POU2F2: variants seen among roughly 807,000 people sequenced by gnomAD.
The protein encoded by POU2F2 is POU domain, class 2, transcription factor 2.
POU2F2 carries 14 observed loss-of-function variants against 63.5 expected under a neutral mutation model. The ratio of observed to expected loss-of-function variants is 0.22; its 90% CI spans 0.15 to 0.34. The LOEUF (loss-of-function observed/expected upper bound fraction) is 0.34, where lower values mean the gene tolerates loss of function less well. Among genes scored for constraint, POU2F2 ranks in the 10% least tolerant of loss-of-function variants. The pLI is 1.00. For synonymous variants in POU2F2, 306 were observed against 348.6 expected, an observed-to-expected ratio of 0.88 and a Z score of 1.36; for missense variants, 607 against 815.2, an observed-to-expected ratio of 0.74 and a Z score of 3.11.
At chr19:42,104,181 T>C (rs927564677) in intron 5 of POU2F2, among the ~76,000 whole-genome samples, 1 of 152,174 alleles carries the variant, frequency 6.6e-6, no homozygotes, top group African/African-American at 2.4e-5. Flanking sequence ...ATATCATTTT[T>C]ACCTCTCAGA....
rs547796459 is a variant in POU2F2, at chr19:42,091,767, G to A, written c.1540+100C>T. 8.4e-5 allele frequency: 130 copies of A among 1,548,394 alleles called. 2 individuals are homozygous for A. Among genetic ancestry groups the A allele is most frequent in the Admixed American group, 4.7e-4 (24 of 51,002 alleles). On this transcript the variant is annotated intron_variant, in intron 14 of 14. Transcript: ENST00000692977. Reference sequence around the variant, plus strand: ...GGTATGAAGAGGCAAGCAATGCAGTGAGCAGGGGCAGGATGGCATGGCTGG... The same window carrying A: ...GGTATGAAGAGGCAAGCAATGCAGTAAGCAGGGGCAGGATGGCATGGCTGG...
chr19:42,186,546 T>C (rs1376886682), intron 1 of POU2F2, among the ~76,000 whole-genome samples: 1 of 151,518 alleles, frequency 6.6e-6, no homozygotes, highest in Non-Finnish European at 1.5e-5. Context: ...TATCTTTTGA[T>C]CTAGGAGGCC....
upstream of POU2F2, among the ~76,000 whole-genome samples, chr19:42,135,218 C>T (rs979966513): frequency 6.6e-6 from 1 of 152,116 alleles, no homozygotes; most frequent in African/African-American, 2.4e-5. Flanking sequence ...TCCTCAGACC[C>T]CTAGCTTGGC....
intron 2 of POU2F2, among the ~76,000 whole-genome samples, chr19:42,149,481 G>C (rs922966369): frequency 6.6e-6 from 1 of 152,142 alleles, no homozygotes; most frequent in Non-Finnish European, 1.5e-5. Flanking sequence ...AGAGTGAAAA[G>C]CATACAGCAG....
At chr19:42,116,902 T>A in intron 5 of POU2F2, 1 of 495,330 alleles carries the variant, frequency 2.0e-6, no homozygotes, top group Non-Finnish European at 3.9e-6. Flanking sequence ...GGCAGCGGCG[T>A]TAGCGGCAGC....
At chr19:42,168,568 C>T (rs1215800575) in intron 1 of POU2F2, among the ~76,000 whole-genome samples, 3 of 152,174 alleles carry the variant, frequency 2.0e-5, no homozygotes, top group Non-Finnish European at 4.4e-5. Flanking sequence ...GGTGAATCTT[C>T]CTGGGCTCCC....
chr19:42,087,368 G>A lies in POU2F2; in HGVS notation c.*3889C>T, dbSNP rs889670852. The A allele has an allele frequency of 6.6e-6, 1 of 151,980 alleles. No individual in the cohort carries two copies. 9.4% of individuals were successfully genotyped at this position (151,980 alleles called of 1,614,324 possible). On this transcript the variant is annotated 3_prime_UTR_variant, in exon 15 of 15. Transcript: ENST00000692977. ...TTAGAAAAACTAGTCAGGTCAAGAG[G>A]TCACCCTGACTTGGCTAGTCCCTCG...
At position 42,086,114 on chromosome 19, in the gene POU2F2, TTC is replaced by T. The variant is rs1291529155; in HGVS notation, c.*5141_*5142del. On this transcript the variant is annotated 3_prime_UTR_variant, in exon 15 of 15. Transcript: ENST00000692977. ...GAGACCAAGGGAGAGTAGGCATCAT[TTC>T]TCTCTGTACAGTTTTTAATTTTTTA... is the stretch of plus-strand genomic sequence containing the variant. The T allele has an allele frequency of 2.6e-5, 4 of 152,140 alleles. No homozygotes were observed. 9.4% of individuals were successfully genotyped at this position (152,140 alleles called of 1,614,324 possible).
chr19:42,192,750 A>G (rs1176040014), intron 1 of POU2F2, among the ~76,000 whole-genome samples: 1 of 152,196 alleles, frequency 6.6e-6, no homozygotes, highest in Non-Finnish European at 1.5e-5. Flanking sequence ...GAAGAAGAAA[A>G]GTAAACCACA....
intron 2 of POU2F2, among the ~76,000 whole-genome samples, chr19:42,149,914 C>G (rs1476451043): frequency 6.6e-6 from 1 of 152,290 alleles, no homozygotes; most frequent in Middle Eastern, 3.4e-3. Context: ...TTTTCCTGCA[C>G]CCAGCTGCCT....
chr19:42,130,722 C>G (rs1009373212), intron 1 of POU2F2, among the ~76,000 whole-genome samples: 1 of 151,358 alleles, frequency 6.6e-6, no homozygotes, highest in Non-Finnish European at 1.5e-5. Context: ...CTCTCCTCAC[C>G]GCCTTTGCTT....
At chr19:42,195,951 T>C (rs2146833527) in intron 1 of POU2F2, among the ~76,000 whole-genome samples, 1 of 152,278 alleles carries the variant, frequency 6.6e-6, no homozygotes. Context: ...GGCTAATTTT[T>C]ATATTTTTAG....
At chr19:42,129,605 C>T (rs1353400804) in intron 1 of POU2F2, among the ~76,000 whole-genome samples, 1 of 152,184 alleles carries the variant, frequency 6.6e-6, no homozygotes, top group African/African-American at 2.4e-5. Context: ...CTTGTCCTGT[C>T]CCCTGGGTCC....
chr19:42,086,834 A>AG lies in POU2F2; in HGVS notation c.*4422dup, dbSNP rs1417900691. ...GAGGAAGGGGAGGGAGGCAGAAGGG[A>AG]GGGGTCACAGACATAGTAAATAGTT... On this transcript the variant is annotated 3_prime_UTR_variant, in exon 15 of 15. Coordinates refer to ENST00000692977, the MANE Select transcript of POU2F2 (RefSeq NM_001394376.1). 6.6e-6 allele frequency: 1 copy of AG among 152,186 alleles called. No individual in the cohort carries two copies. Among genetic ancestry groups the AG allele is most frequent in the Non-Finnish European group, 1.5e-5 (1 of 68,038 alleles). 9.4% of individuals were successfully genotyped at this position (152,186 alleles called of 1,614,324 possible). A position where few individuals can be genotyped will look rare whatever the true frequency, so the allele number is the denominator to read the frequency against.
At chr19:42,177,603 G>A (rs1234340687), upstream of POU2F2, among the ~76,000 whole-genome samples, 2 of 152,048 alleles carry the variant, frequency 1.3e-5, no homozygotes, top group African/African-American at 2.4e-5. Context: ...GGGACACGGA[G>A]ACAAGGACAA....
At chr19:42,127,799 C>T (rs1180908413) in intron 1 of POU2F2, among the ~76,000 whole-genome samples, 1 of 152,114 alleles carries the variant, frequency 6.6e-6, no homozygotes, top group Non-Finnish European at 1.5e-5. Flanking sequence ...CTGACTGTAG[C>T]TAGCCGGGCC....
Position 42,090,970 on chromosome 19 carries a change from GTTTT to G in POU2F2, c.*283_*286del, listed in dbSNP as rs750309216. On this transcript the variant is annotated 3_prime_UTR_variant, in exon 15 of 15. Coordinates refer to ENST00000692977, the MANE Select transcript of POU2F2 (RefSeq NM_001394376.1). This position sits in a 1 kb window ranked among gnomAD's most constrained non-coding sequence, Gnocchi z 4.4. Reference sequence around the variant, plus strand: ...TTTTTTGGTTTGTTTGATTTTGTGGGTTTTTTTTTTTTTTGGTTTGTTTTTGGTT... The same window carrying G: ...TTTTTTGGTTTGTTTGATTTTGTGGGTTTTTTTTTTGGTTTGTTTTTGGTT... The G allele has an allele frequency of 3.9e-5, 8 of 205,450 alleles. No homozygotes were observed. Among genetic ancestry groups the G allele is most frequent in the Non-Finnish European group, 7.4e-5 (8 of 108,014 alleles). 12.7% of individuals were successfully genotyped at this position (205,450 alleles called of 1,614,324 possible).
chr19:42,099,795 C>T lies in POU2F2; in HGVS notation c.396G>A (p.Gln132=), dbSNP rs1178009283. The change falls in exon 6 of 15, where the codon CAG becomes CAA. Residue 132 remains glutamine, a synonymous_variant. Transcript: ENST00000692977. ...AGDIQQLLQL[Q]QLVLVPGHHL... is the part of the protein sequence containing the mutation. ...GGTGGCCTGGCACAAGCACCAGCTG[C>T]TGGAGCTGGAGGAGCTGCTGTATGT... 1.9e-6 allele frequency: 3 copies of T among 1,576,702 alleles called. No individual in the cohort carries two copies. Among genetic ancestry groups the T allele is most frequent in the South Asian group, 2.3e-5 (2 of 87,092 alleles).
rs576209681 is a variant in POU2F2, at chr19:42,169,794, C to T, written c.-70+6169G>A. Among the ~76,000 whole-genome samples, 27 of 152,056 alleles carry T rather than the reference C, an allele frequency of 1.8e-4. No individual in the cohort carries two copies. The South Asian group carries it at 5.4e-3, about 30-fold the overall frequency. On this transcript the variant is annotated intron_variant, in intron 1 of 6. Coordinates refer to the POU2F2 transcript ENST00000524801. This position sits in a 1 kb window ranked among gnomAD's most constrained non-coding sequence, Gnocchi z 4.3. ...TGTCGGGGTGATATAAACACATGTGCGTGTGTACCTGTGTGTCTTTCTTCC... is the reference window on the plus strand; with the variant it reads ...TGTCGGGGTGATATAAACACATGTGTGTGTGTACCTGTGTGTCTTTCTTCC...
Sources: allele counts gnomAD v4.1 joint callset (sites outside exome capture counted in the v4.1 genomes callset), GRCh38; gene constraint gnomAD v4.1.1; non-coding constraint Gnocchi (gnomAD v3.1); transcripts MANE v1.5; gene names NCBI Gene and HGNC (gene_info 2026-07-23, HGNC 2026-07-21).